The following SLC39A10 variants were observed in gnomAD, a reference collection of about 807,000 sequenced individuals.
SLC39A10 encodes the protein solute carrier family 39 member 10, also known as zinc transporter ZIP10.
Under a neutral mutation model 65.1 loss-of-function variants are expected in SLC39A10, and 13 were observed. That is an observed-to-expected ratio of 0.20 (90% CI 0.13 to 0.32). The LOEUF is 0.32. SLC39A10 is among the 10% of genes least tolerant of loss of function. SLC39A10 has a pLI of 1.00. For missense variants in SLC39A10, 831 were observed against 1,018.4 expected, an observed-to-expected ratio of 0.82 and a Z score of 2.50; for synonymous variants, 321 against 342.2, an observed-to-expected ratio of 0.94 and a Z score of 0.68.
intron 2 of SLC39A10, among the ~76,000 whole-genome samples, chr2:195,645,390 G>T (rs1439326588): frequency 2.0e-5 from 3 of 152,030 alleles, no homozygotes; most frequent in Non-Finnish European, 4.4e-5. Context: ...ACTAATTCTG[G>T]AAACTTATTC....
chr2:195,723,870 C>T (rs1338202765), intron 8 of SLC39A10, among the ~76,000 whole-genome samples: 1 of 151,950 alleles, frequency 6.6e-6, no homozygotes, highest in Non-Finnish European at 1.5e-5. Flanking sequence ...CATAATATAC[C>T]TCTGTAACAA....
upstream of SLC39A10, among the ~76,000 whole-genome samples, chr2:195,652,661 TTG>T (rs1491225756): frequency 1.2e-5 from 1 of 85,134 alleles, no homozygotes; most frequent in East Asian, 2.3e-4. Context: ...AGAGAATAAA[TTG>T]TGTTTCTTAC....
Position 195,716,754 on chromosome 2 carries a change from T to C in SLC39A10, c.1814T>C (p.Ile605Thr). 2 of 1,614,224 alleles carry C rather than the reference T, an allele frequency of 1.2e-6. No individual in the cohort carries two copies. The highest frequency in any genetic ancestry group is 1.1e-5 in the South Asian group (1 of 91,090). Residue 605 changes from isoleucine to threonine, a missense_variant, in exon 7 of 10, where the codon ATA becomes ACA. Physicochemically the swap from Ile to Thr is moderately conservative, Grantham distance 89 (BLOSUM62 -1). This residue lies in a region of SLC39A10 where 230 missense variants were observed against 242.9 expected (regional missense o/e 0.95). Coordinates refer to ENST00000359634, the MANE Select transcript of SLC39A10 (RefSeq NM_020342.3). ...NYLCIEEEKIIDHSHSDGLHT... is the reference protein window; with the variant it reads ...NYLCIEEEKITDHSHSDGLHT... ...CTTTGTATAGAAGAGGAGAAAATCA[T>C]AGACCATTCTCACAGTGATGGATTA... is the stretch of plus-strand genomic sequence containing the variant.
chr2:195,664,506 A>G (rs1291359781), intron 1 of SLC39A10, among the ~76,000 whole-genome samples: 1 of 152,186 alleles, frequency 6.6e-6, no homozygotes, highest in African/African-American at 2.4e-5. Flanking sequence ...GAAAGGGAAA[A>G]CATGATCAAA....
chr2:195,658,378 G>GTAACA (rs1339573893), intron 1 of SLC39A10: 1 of 152,158 alleles, frequency 6.6e-6, no homozygotes, highest in Non-Finnish European at 1.5e-5. Flanking sequence ...CCTATTCTAA[G>GTAACA]TAACAGTGAC....
At chr2:195,661,860 A>G (rs926098649) in intron 1 of SLC39A10, among the ~76,000 whole-genome samples, 2 of 152,188 alleles carry the variant, frequency 1.3e-5, no homozygotes, top group African/African-American at 4.8e-5. Flanking sequence ...CTAAAAGTAA[A>G]TATTTTGTCA....
rs189554853 is a variant in SLC39A10 at position 195,726,431 on chromosome 2, C to T, written c.2147-1728C>T. Among the ~76,000 whole-genome samples the T allele has an allele frequency of 1.4e-3, 220 of 152,142 alleles. 1 individual carries two copies. Among genetic ancestry groups the T allele is most frequent in the African/African-American group, 4.8e-3 (201 of 41,518 alleles). ...AATTTGTTAGGGAAGTTAGGGAGCT[C>T]TTTCCACAGAGAAAAAGCTGAGAAA... On this transcript the variant is annotated intron_variant, in intron 8 of 9. Transcript: ENST00000359634.
chr2:195,625,207 A>G (rs978686758), intron 2 of SLC39A10, among the ~76,000 whole-genome samples: 1 of 108,320 alleles, frequency 9.2e-6, no homozygotes, highest in Non-Finnish European at 1.9e-5. Flanking sequence ...ACAGAGGGAC[A>G]CTCTGTCTCA....
chr2:195,681,504 G>A (rs147557877), intron 2 of SLC39A10, among the ~76,000 whole-genome samples: 253 of 152,130 alleles, frequency 1.7e-3, no homozygotes, highest in African/African-American at 6.0e-3. Context: ...CAGCCTGGGC[G>A]ACAAAGTGAG....
chr2:195,664,388 A>G (rs1046588985), intron 1 of SLC39A10, among the ~76,000 whole-genome samples: 8 of 152,086 alleles, frequency 5.3e-5, no homozygotes, highest in African/African-American at 1.4e-4. Context: ...AAGAAAATAT[A>G]CACTAAAATA....
chr2:195,666,262 G>C (rs539493862), intron 1 of SLC39A10, among the ~76,000 whole-genome samples: 3 of 152,144 alleles, frequency 2.0e-5, no homozygotes, highest in Non-Finnish European at 4.4e-5. Flanking sequence ...AGATTGACTT[G>C]GAGATTTTTT....
chr2:195,673,320 C>T (rs1689945985), intron 1 of SLC39A10, among the ~76,000 whole-genome samples: 1 of 152,090 alleles, frequency 6.6e-6, no homozygotes, highest in South Asian at 2.1e-4. Flanking sequence ...CCATGCCCAA[C>T]TAATTTTTTT....
intron 2 of SLC39A10, among the ~76,000 whole-genome samples, chr2:195,639,877 T>C (rs946051886): frequency 6.6e-6 from 1 of 152,238 alleles, no homozygotes; most frequent in Non-Finnish European, 1.5e-5. Context: ...TCTTAATACT[T>C]ACAGATGGAA....
At chr2:195,675,389 C>G (rs1220144882) in intron 1 of SLC39A10, among the ~76,000 whole-genome samples, 3 of 152,070 alleles carry the variant, frequency 2.0e-5, no homozygotes, top group Non-Finnish European at 4.4e-5. Context: ...GTTGAGTGTT[C>G]TGTTATTGCA....
At chr2:195,686,389 A>G (rs1471358153) in intron 3 of SLC39A10, among the ~76,000 whole-genome samples, 1 of 152,168 alleles carries the variant, frequency 6.6e-6, no homozygotes, top group Non-Finnish European at 1.5e-5. Flanking sequence ...GCTCTCTACT[A>G]AAATACAAAA....
chr2:195,728,419 G>A lies in SLC39A10; in HGVS notation c.2337+70G>A. The A allele has an allele frequency of 7.1e-7, 1 of 1,399,016 alleles. No individual in the cohort carries two copies. Among genetic ancestry groups the A allele is most frequent in the Non-Finnish European group, 9.8e-7 (1 of 1,024,154 alleles). The allele number at this position is 1,399,016 out of a possible 1,614,324, so 86.7% of individuals were successfully genotyped here. A position where few individuals can be genotyped will look rare whatever the true frequency, so the allele number is the denominator to read the frequency against. ...AAGAAATCCTTGGAAGTGGTTTGAA[G>A]CCAAACTATTTTTGAAAATATAACT... is the stretch of plus-strand genomic sequence containing the variant. On this transcript the variant is annotated intron_variant, in intron 9 of 9. Coordinates refer to ENST00000359634, the MANE Select transcript of SLC39A10 (RefSeq NM_020342.3). This position sits in a 1 kb window ranked among gnomAD's most constrained non-coding sequence, Gnocchi z 4.4.
intron 1 of SLC39A10, among the ~76,000 whole-genome samples, chr2:195,661,825 C>G (rs1689410252): frequency 6.6e-6 from 1 of 152,110 alleles, no homozygotes; most frequent in South Asian, 2.1e-4. Context: ...TAAAATCTTG[C>G]TCAGGTAGTG....
At chr2:195,703,919 G>A (rs187329614) in intron 3 of SLC39A10, among the ~76,000 whole-genome samples, 219 of 152,260 alleles carry the variant, frequency 1.4e-3, no homozygotes, top group African/African-American at 5.0e-3. Context: ...CTCCCAAAAT[G>A]CTTGGATTAC....
intron 5 of SLC39A10, among the ~76,000 whole-genome samples, chr2:195,712,366 C>T (rs558118937): frequency 2.0e-5 from 3 of 152,346 alleles, no homozygotes; most frequent in African/African-American, 7.2e-5. Context: ...TCCATGTCCT[C>T]ATGGGTGGAG....
Sources: allele counts gnomAD v4.1 joint callset (sites outside exome capture counted in the v4.1 genomes callset), GRCh38; gene constraint gnomAD v4.1.1; regional missense constraint gnomAD v4.1.1; non-coding constraint Gnocchi (gnomAD v3.1); transcripts MANE v1.5; gene names NCBI Gene and HGNC (gene_info 2026-07-23, HGNC 2026-07-21).